Variants in OOSP3 observed in about 807,000 individuals in gnomAD.
OOSP3 encodes oocyte secreted protein family member 3, also known as oocyte-secreted protein 3.
intron 2 of OOSP3, 79 bp downstream of exon 2, chr11:59,880,518 C>A (rs558777762): frequency 2.5e-6 from 1 of 397,098 alleles, no homozygotes; most frequent in East Asian, 3.6e-5. Flanking sequence ...ACTGTCAGTG[C>A]GAGATTTTTT....
chr11:59,883,892 G>A lies in OOSP3; in HGVS notation c.252+3453G>A, dbSNP rs974440547. Among the ~76,000 whole-genome samples the A allele has an allele frequency of 2.0e-5, 3 of 152,126 alleles. No individual in the cohort carries two copies. In the South Asian group the frequency reaches 6.2e-4, roughly 32 times the overall value. On this transcript the variant is annotated intron_variant, in intron 2 of 4. Transcript: ENST00000646438. Reference sequence around the variant, plus strand: ...CACTGCAAACTTAGCTACTTTTAAAGGAAGATAATTTTAAATTGAGTACTA... The same window carrying A: ...CACTGCAAACTTAGCTACTTTTAAAAGAAGATAATTTTAAATTGAGTACTA...
intron 2 of OOSP3, among the ~76,000 whole-genome samples, chr11:59,892,653 T>C (rs1317853603): frequency 6.6e-6 from 1 of 152,022 alleles, no homozygotes; most frequent in African/African-American, 2.4e-5. Context: ...TCTATTCCTC[T>C]TGAGCACATT....
intron 2 of OOSP3, among the ~76,000 whole-genome samples, chr11:59,889,773 G>T (rs1853293777): frequency 6.6e-6 from 1 of 152,082 alleles, no homozygotes; most frequent in African/African-American, 2.4e-5. Context: ...CTGTTGTTTT[G>T]GGGTGTAGAG....
chr11:59,885,149 T>C (rs184446356), intron 2 of OOSP3, among the ~76,000 whole-genome samples: 140 of 152,306 alleles, frequency 9.2e-4, no homozygotes, highest in African/African-American at 3.0e-3. Flanking sequence ...TGCCCTTTCT[T>C]CTATTAATAT....
intron 2 of OOSP3, among the ~76,000 whole-genome samples, chr11:59,884,471 GTCTGTC>G (rs757603343): frequency 1.0e-3 from 100 of 100,098 alleles, no homozygotes; most frequent in South Asian, 2.6e-3. Flanking sequence ...CTGTCTGTCT[GTCTGTC>G]TCTCTCTCTC....
At chr11:59,894,619 CTT>C (rs1169370518) in intron 3 of OOSP3, among the ~76,000 whole-genome samples, 2 of 152,204 alleles carry the variant, frequency 1.3e-5, no homozygotes, top group Non-Finnish European at 2.9e-5. Flanking sequence ...TTGTTGTTGT[CTT>C]TACCTTCTAT....
chr11:59,883,019 C>A (rs997399325), intron 2 of OOSP3, among the ~76,000 whole-genome samples: 1 of 152,082 alleles, frequency 6.6e-6, no homozygotes, highest in Admixed American at 6.6e-5. Context: ...CCTTTGTGTA[C>A]ATGTTTATGT....
At chr11:59,896,396 C>T in exon 5 of OOSP3, 1 of 377,746 alleles carries the variant, frequency 2.6e-6, no homozygotes, top group Non-Finnish European at 4.7e-6. Flanking sequence ...GCCATTATAC[C>T]CTTGCATAGT....
intron 2 of OOSP3, among the ~76,000 whole-genome samples, chr11:59,882,568 G>A (rs1366067428): frequency 6.6e-6 from 1 of 152,068 alleles, no homozygotes; most frequent in Non-Finnish European, 1.5e-5. Context: ...TCCATTTAAA[G>A]GGCAGGATCT....
rs1161219988 is a variant in OOSP3 at position 59,880,543 on chromosome 11, T to G, written c.252+104T>G. ...CGAGATTTTTTTATGGCTCTTGAATTACTTTAATTTGGTACTTTCAGGATA... is the reference window on the plus strand; with the variant it reads ...CGAGATTTTTTTATGGCTCTTGAATGACTTTAATTTGGTACTTTCAGGATA... On this transcript the variant is annotated intron_variant, in intron 2 of 4. Coordinates refer to ENST00000646438, the Ensembl canonical transcript of OOSP3. The G allele has an allele frequency of 7.6e-6, 3 of 396,806 alleles. No individual in the cohort carries two copies. The Admixed American group carries it at 1.3e-4, about 17-fold the overall frequency. 24.6% of individuals were successfully genotyped at this position (396,806 alleles called of 1,614,324 possible).
intron 2 of OOSP3, among the ~76,000 whole-genome samples, chr11:59,891,211 G>T (rs1853309155): frequency 6.6e-6 from 1 of 152,074 alleles, no homozygotes; most frequent in Non-Finnish European, 1.5e-5. Flanking sequence ...TTTACATTGG[G>T]TTAGAACATA....
chr11:59,892,113 G>C (rs564509473), intron 2 of OOSP3, among the ~76,000 whole-genome samples: 21 of 152,352 alleles, frequency 1.4e-4, no homozygotes, highest in Admixed American at 3.9e-4. Context: ...CTGAGCAGCT[G>C]TCATGAGTCT....
intron 2 of OOSP3, among the ~76,000 whole-genome samples, chr11:59,881,156 C>G (rs1000188111): frequency 7.9e-5 from 12 of 151,706 alleles, no homozygotes; most frequent in African/African-American, 2.7e-4. Flanking sequence ...GTCAGGAGAT[C>G]GAGACCATCC....
Position 59,896,116 on chromosome 11 carries a change from T to G in OOSP3, c.502-17T>G, listed in dbSNP as rs1388960811. 2.5e-6 allele frequency: 1 copy of G among 398,256 alleles called. No individual in the cohort carries two copies. The highest frequency in any genetic ancestry group is 3.6e-5 in the East Asian group (1 of 28,070). The allele number at this position is 398,256 out of a possible 1,614,324, so 24.7% of individuals were successfully genotyped here. On this transcript the variant is annotated splice_polypyrimidine_tract_variant and intron_variant, in intron 4 of 4. Transcript: ENST00000646438. ...ATTGGAAACTTTTTATTAACTACCT[T>G]TCTTTTTTCTCTGTAGGTAGAGGCA... is the stretch of plus-strand genomic sequence containing the variant.
intron 2 of OOSP3, among the ~76,000 whole-genome samples, chr11:59,892,712 A>G (rs1376821495): frequency 6.6e-6 from 1 of 151,998 alleles, no homozygotes; most frequent in Non-Finnish European, 1.5e-5. Context: ...AAAAAAAAAA[A>G]TGACAATTCT....
chr11:59,883,911 A>G (rs1364790558), intron 2 of OOSP3, among the ~76,000 whole-genome samples: 1 of 152,236 alleles, frequency 6.6e-6, no homozygotes, highest in East Asian at 1.9e-4. Flanking sequence ...TTTTAAATTG[A>G]GTACTAATTG....
At chr11:59,886,358 C>A (rs181099249) in intron 2 of OOSP3, among the ~76,000 whole-genome samples, 1 of 152,204 alleles carries the variant, frequency 6.6e-6, no homozygotes, top group Admixed American at 6.5e-5. Flanking sequence ...TGAACATACA[C>A]GTGCGTGAAT....
chr11:59,886,913 C>T (rs1475297546), intron 2 of OOSP3, among the ~76,000 whole-genome samples: 1 of 151,812 alleles, frequency 6.6e-6, no homozygotes, highest in African/African-American at 2.4e-5. Context: ...GCCTCAGCCT[C>T]CCGAATAGCT....
chr11:59,894,500 G>T (rs1315179925), intron 3 of OOSP3, among the ~76,000 whole-genome samples: 1 of 152,146 alleles, frequency 6.6e-6, no homozygotes, highest in Non-Finnish European at 1.5e-5. Context: ...GGCATGAAAA[G>T]CCAGCTCTGT....
Sources: allele counts gnomAD v4.1 joint callset (sites outside exome capture counted in the v4.1 genomes callset), GRCh38; gene constraint gnomAD v4.1.1; transcripts MANE v1.5; gene names NCBI Gene and HGNC (gene_info 2026-07-23, HGNC 2026-07-21).